The following EPM2A variants were observed in gnomAD, a reference collection of about 807,000 sequenced individuals.
The protein encoded by EPM2A is laforin.
EPM2A carries 21 observed loss-of-function variants against 26.5 expected under a neutral mutation model. The observed-to-expected ratio is 0.79, with a 90% CI of 0.56 to 1.14. EPM2A has a LOEUF of 1.14. EPM2A is among the 50% of genes most tolerant of loss of function. The pLI is 0.00. For missense variants in EPM2A, 458 were observed against 440.8 expected (o/e 1.04, Z -0.35); for synonymous variants, 217 against 177.6 (o/e 1.22, Z -1.76).
downstream of EPM2A, chr6:145,625,199 A>G (rs1479726237): frequency 6.5e-6 from 1 of 153,092 alleles, no homozygotes; most frequent in Non-Finnish European, 1.5e-5. Flanking sequence ...AGAAAAATAA[A>G]CAATTTAGCT....
chr6:145,596,877 C>CTTTT lies in EPM2A; in HGVS notation c.340+38364_340+38367dup, dbSNP rs869211299. 3.7e-4 allele frequency among the ~76,000 whole-genome samples: 27 copies of CTTTT among 73,528 alleles called. 2 individuals carry two copies. The highest frequency in any genetic ancestry group is 1.0e-3 in the African/African-American group (17 of 16,918). 48.2% of individuals were successfully genotyped at this position (73,528 alleles called of 152,430 possible). ...ACGTTGTATATGCTCTCTCCGAGAT[C>CTTTT]TTTTTTTTTTTTTTTTTTTTTTTTT... On this transcript the variant is annotated intron_variant, in intron 2 of 3. Coordinates refer to the EPM2A transcript ENST00000450221.
At chr6:145,606,055 TC>T (rs757076236) in intron 2 of EPM2A, among the ~76,000 whole-genome samples, 11 of 152,112 alleles carry the variant, frequency 7.2e-5, no homozygotes, top group Non-Finnish European at 1.5e-4. Context: ...AATTGGTAAT[TC>T]CCTTAGCAAA....
chr6:145,711,860 A>C (rs1775346660), intron 1 of EPM2A, among the ~76,000 whole-genome samples: 1 of 152,188 alleles, frequency 6.6e-6, no homozygotes, highest in South Asian at 2.1e-4. Context: ...GTTCACAGAA[A>C]ATGCATACGT....
intron 2 of EPM2A, among the ~76,000 whole-genome samples, chr6:145,675,253 C>G (rs190798298): frequency 7.3e-4 from 111 of 152,294 alleles, no homozygotes; most frequent in Admixed American, 1.6e-3. Context: ...TTTGTCATCA[C>G]AAGGCCTGCC....
intron 2 of EPM2A, among the ~76,000 whole-genome samples, chr6:145,678,630 C>T (rs965571176): frequency 8.5e-5 from 13 of 152,160 alleles, no homozygotes; most frequent in African/African-American, 3.1e-4. Flanking sequence ...ATTTATGCAG[C>T]CAACAGACAC....
intron 2 of EPM2A, among the ~76,000 whole-genome samples, chr6:145,578,710 T>C (rs1781070427): frequency 6.6e-6 from 1 of 152,188 alleles, no homozygotes; most frequent in South Asian, 2.1e-4. Context: ...TATCAAGGTA[T>C]AATTGACATA....
At chr6:145,658,902 T>A (rs987989136) in intron 2 of EPM2A, among the ~76,000 whole-genome samples, 1 of 152,174 alleles carries the variant, frequency 6.6e-6, no homozygotes, top group Non-Finnish European at 1.5e-5. Flanking sequence ...TTCCTTAGGC[T>A]TAGATACTTT....
chr6:145,683,301 G>C (rs1780677193), intron 2 of EPM2A, among the ~76,000 whole-genome samples: 1 of 148,778 alleles, frequency 6.7e-6, no homozygotes, highest in Admixed American at 6.7e-5. Context: ...GTGTGTGTGT[G>C]TGTGTGAGTG....
Position 145,626,168 on chromosome 6 carries a change from C to A in EPM2A, c.*1248G>T. The A allele has an allele frequency of 9.9e-7, 1 of 1,008,516 alleles. No homozygotes were observed. Among genetic ancestry groups the A allele is most frequent in the South Asian group, 4.2e-5 (1 of 23,726 alleles). 62.5% of individuals were successfully genotyped at this position (1,008,516 alleles called of 1,614,324 possible). On this transcript the variant is annotated 3_prime_UTR_variant, in exon 4 of 4. Transcript: ENST00000367519. ...TCTATTCTAGCATATCATTCATGGT[C>A]CAATCCTGCATTACAGTTGGTTGAA...
In EPM2A at chr6:145,466,596, G is replaced by A. The variant is rs560040681; in HGVS notation, c.555+35926C>T. ...GGAAGTCAGTGTGGCGATTCCTCAC[G>A]GATCTAGAACTAGAAATACCATTTG... On this transcript the variant is annotated intron_variant, in intron 4 of 4. Transcript: ENST00000638717. Among the ~76,000 whole-genome samples, 44 of 152,006 alleles carry A rather than the reference G, an allele frequency of 2.9e-4. No homozygotes were observed. In the South Asian group the frequency reaches 6.9e-3, roughly 24 times the overall value.
At chr6:145,523,880 C>G (rs1780235921) in intron 2 of EPM2A, among the ~76,000 whole-genome samples, 1 of 151,874 alleles carries the variant, frequency 6.6e-6, no homozygotes, top group Non-Finnish European at 1.5e-5. Context: ...GATCTTATGA[C>G]CCAGGTAGTG....
At chr6:145,439,060 A>G (rs1779028102) in intron 4 of EPM2A, among the ~76,000 whole-genome samples, 1 of 152,102 alleles carries the variant, frequency 6.6e-6, no homozygotes. Flanking sequence ...GAGAATATGT[A>G]GCATTTGGTT....
At chr6:145,670,950 T>C in intron 2 of EPM2A, 1 of 985,102 alleles carries the variant, frequency 1.0e-6, no homozygotes, top group Non-Finnish European at 1.2e-6. Flanking sequence ...CATGTTGTTT[T>C]CCTTTCCTAC....
chr6:145,492,827 G>C (rs577791278), intron 4 of EPM2A, among the ~76,000 whole-genome samples: 1 of 152,184 alleles, frequency 6.6e-6, no homozygotes. Context: ...TGCTGATGGA[G>C]CTGGGGGATT....
At chr6:145,479,977 T>A (rs1425652480) in intron 4 of EPM2A, among the ~76,000 whole-genome samples, 1 of 152,070 alleles carries the variant, frequency 6.6e-6, no homozygotes, top group Admixed American at 6.6e-5. Flanking sequence ...TGGTATCTCA[T>A]TGTAGTTTTG....
In EPM2A at chr6:145,731,602, A is replaced by C. The variant is rs530736633; in HGVS notation, c.301+3596T>G. Reference sequence around the variant, plus strand: ...AGAACACATGGACACAGAGAGGGGAACATCACACACCAAGGCCTGTTGGTG... The same window carrying C: ...AGAACACATGGACACAGAGAGGGGACCATCACACACCAAGGCCTGTTGGTG... On this transcript the variant is annotated intron_variant, in intron 1 of 3. Coordinates refer to ENST00000367519, the MANE Select transcript of EPM2A (RefSeq NM_005670.4). 1.4e-4 allele frequency among the ~76,000 whole-genome samples: 22 copies of C among 152,278 alleles called. 1 individual carries two copies. The East Asian group carries it at 4.0e-3, about 28-fold the overall frequency.
rs528524634 is a variant in EPM2A, at chr6:145,467,350, T to C, written c.555+35172A>G. Among the ~76,000 whole-genome samples the C allele has an allele frequency of 7.9e-5, 12 of 152,226 alleles. No individual in the cohort carries two copies. The East Asian group carries it at 2.3e-3, about 29-fold the overall frequency. On this transcript the variant is annotated intron_variant, in intron 4 of 4. Coordinates refer to the EPM2A transcript ENST00000638717. ...TTATTAAATAGCCTATTTGTTCCCA[T>C]TAATTTCACCACAGGGTAACATATC...
chr6:145,424,872 G>C (rs1778832538), intron 4 of EPM2A, among the ~76,000 whole-genome samples: 1 of 152,088 alleles, frequency 6.6e-6, no homozygotes, highest in South Asian at 2.1e-4. Context: ...TAACCCCCTA[G>C]AACTATGAGA....
chr6:145,512,057 G>T (rs1440278353), intron 2 of EPM2A, among the ~76,000 whole-genome samples: 1 of 152,002 alleles, frequency 6.6e-6, no homozygotes, highest in African/African-American at 2.4e-5. Flanking sequence ...TCTAATCAAG[G>T]AAGTGAAAGA....
Sources: allele counts gnomAD v4.1 joint callset (sites outside exome capture counted in the v4.1 genomes callset), GRCh38; gene constraint gnomAD v4.1.1; transcripts MANE v1.5; gene names NCBI Gene and HGNC (gene_info 2026-07-23, HGNC 2026-07-21).